The following SUPT5H variants were observed in gnomAD, a reference collection of about 807,000 sequenced individuals.
The protein encoded by SUPT5H is SPT5 homolog, DSIF elongation factor subunit.
In SUPT5H, 24 loss-of-function variants were observed where a neutral mutation model predicts 142.5. The observed-to-expected ratio is 0.17, with a 90% CI of 0.12 to 0.24. SUPT5H has a LOEUF of 0.24. Among genes scored for constraint, SUPT5H ranks in the 10% least tolerant of loss-of-function variants. SUPT5H has a pLI of 1.00. For synonymous variants in SUPT5H, 546 were observed against 553.0 expected (o/e 0.99, Z 0.18); for missense variants, 893 against 1,471.8 (o/e 0.61, Z 6.43).
chr19:39,449,862 A>C (rs2078999172), intron 2 of SUPT5H, among the ~76,000 whole-genome samples: 1 of 151,414 alleles, frequency 6.6e-6, no homozygotes, highest in African/African-American at 2.4e-5. Context: ...GTGGTCTCAG[A>C]ACTCCTGACC....
rs80027112 is a variant in SUPT5H, at chr19:39,476,107, G to A, written c.3051G>A (p.Lys1017=). ...VTGGMCSVYL[K]DSEKVVSISS... ...GGGGCATGTGCTCTGTGTACCTGAA[G>A]GACAGTGAGAAGGTTGTCAGCATTT... Residue 1017 remains lysine (K), a synonymous_variant, in exon 29 of 30, where the codon AAG becomes AAA. Transcript: ENST00000432763. The A allele has an allele frequency of 4.9e-4, 798 of 1,614,134 alleles. 10 individuals are homozygous for A. In the East Asian group the frequency reaches 0.016, roughly 32 times the overall value.
chr19:39,456,513 G>A (rs538706384), intron 3 of SUPT5H, among the ~76,000 whole-genome samples: 2 of 151,652 alleles, frequency 1.3e-5, no homozygotes, highest in East Asian at 3.9e-4. Flanking sequence ...CCACCTCCCG[G>A]GTTCAAGCAA....
Position 39,445,938 on chromosome 19 carries a change from G to A in SUPT5H, c.48G>A (p.Glu16=). ...DSNFSEEEDS[E]RSSDGEEAEV... Reference sequence around the variant, plus strand: ...ACTTTTCCGAGGAGGAGGACAGCGAGCGCAGCAGTGACGGCGAGGAGGCCG... The same window carrying A: ...ACTTTTCCGAGGAGGAGGACAGCGAACGCAGCAGTGACGGCGAGGAGGCCG... Residue 16 remains glutamate, a synonymous_variant, in exon 2 of 30, where the codon GAG becomes GAA. Transcript: ENST00000432763. 5 of 1,613,530 alleles carry A rather than the reference G, an allele frequency of 3.1e-6. No homozygotes were observed. Among genetic ancestry groups the A allele is most frequent in the Non-Finnish European group, 4.2e-6 (5 of 1,180,006 alleles).
In SUPT5H at chr19:39,453,342, C is replaced by T; in HGVS notation, c.76-14C>T. On this transcript the variant is annotated splice_polypyrimidine_tract_variant and intron_variant, in intron 2 of 29. Transcript: ENST00000432763. ...GCAGAATTCTGGTGCTACAACCCTG[C>T]CTGACCCCTGTAGGTAGACGAAGAG... 1 of 1,587,422 alleles carries T rather than the reference C, an allele frequency of 6.3e-7. No individual in the cohort carries two copies.
At position 39,462,843 on chromosome 19, in the gene SUPT5H, T is replaced by TTC. The variant is rs1555744498; in HGVS notation, c.625-1954_625-1953insCT. Among the ~76,000 whole-genome samples, 7 of 126,724 alleles carry TTC rather than the reference T, an allele frequency of 5.5e-5. No individual in the cohort carries two copies. The East Asian group carries it at 1.0e-3, about 19-fold the overall frequency. The allele number at this position is 126,724 out of a possible 152,430, so 83.1% of individuals were successfully genotyped here. ...ACTGTGCCCAGCCTTAATTTTCTTTTTTTTTTTTTTTTTTGAGACAGAGTC... is the reference window on the plus strand; with the variant it reads ...ACTGTGCCCAGCCTTAATTTTCTTTTTCTTTTTTTTTTTTTTGAGACAGAGTC... On this transcript the variant is annotated intron_variant, in intron 10 of 29. Coordinates refer to ENST00000432763, the MANE Select transcript of SUPT5H (RefSeq NM_001111020.3).
intron 2 of SUPT5H, among the ~76,000 whole-genome samples, chr19:39,450,186 A>G (rs1218370391): frequency 6.6e-6 from 1 of 151,694 alleles, no homozygotes; most frequent in African/African-American, 2.4e-5. Flanking sequence ...TGATCCTTCT[A>G]CCTTGGCCTC....
chr19:39,457,591 A>G (rs2079106525), intron 3 of SUPT5H, 84 bp from the exon 4 acceptor site: 1 of 1,564,762 alleles, frequency 6.4e-7, no homozygotes, highest in African/African-American at 1.3e-5. Context: ...TTTGTAGTGC[A>G]CATCTCCCAG....
At chr19:39,452,138 A>G (rs1021742833) in intron 2 of SUPT5H, among the ~76,000 whole-genome samples, 1 of 152,046 alleles carries the variant, frequency 6.6e-6, no homozygotes, top group Non-Finnish European at 1.5e-5. Context: ...GCCTGTCGGT[A>G]ATTGGAGGAG....
At chr19:39,464,144 C>T (rs7255047) in intron 10 of SUPT5H, among the ~76,000 whole-genome samples, 20,461 of 151,790 alleles carry the variant, frequency 0.13, 1,773 homozygotes, top group Middle Eastern at 0.27. Context: ...CCACCACACC[C>T]GGCTAATCTT....
chr19:39,466,577 G>A lies in SUPT5H; in HGVS notation c.966+8G>A, dbSNP rs1252020453. The A allele has an allele frequency of 1.2e-6, 2 of 1,611,842 alleles. No homozygotes were observed. The highest frequency in any genetic ancestry group is 1.7e-5 in the Admixed American group (1 of 59,786). On this transcript the variant is annotated splice_region_variant and intron_variant, in intron 12 of 29. Transcript: ENST00000432763. This position sits in a 1 kb window ranked among gnomAD's most constrained non-coding sequence, Gnocchi z 4.3. Reference sequence around the variant, plus strand: ...AAGGCCCGCATGAGCTTGGTACTCAGGGGAATCTGTGGCCTGGGGGGGAGG... The same window carrying A: ...AAGGCCCGCATGAGCTTGGTACTCAAGGGAATCTGTGGCCTGGGGGGGAGG...
rs575194246 is a variant in SUPT5H at position 39,473,793 on chromosome 19, T to C, written c.2493-170T>C. ...GACCTTGGGAGGGCACCCTCATCTC[T>C]GTCAACCACAGTGTCAGCTGTGGAA... On this transcript the variant is annotated intron_variant, in intron 25 of 29. Transcript: ENST00000432763. This position sits in a 1 kb window ranked among gnomAD's most constrained non-coding sequence, Gnocchi z 5.8. Among the ~76,000 whole-genome samples the C allele has an allele frequency of 6.6e-6, 1 of 152,288 alleles. No individual in the cohort carries two copies. The highest frequency in any genetic ancestry group is 6.5e-5 in the Admixed American group (1 of 15,296).
Position 39,472,343 on chromosome 19 carries a change from T to G in SUPT5H, c.1951-66T>G. ...CCTCAGGGCCCTGCACGTGGGATGA[T>G]GAGTTCCTGTGGTTTGTGGTTCCCC... is the stretch of plus-strand genomic sequence containing the variant. On this transcript the variant is annotated intron_variant, in intron 20 of 29. Transcript: ENST00000432763. The surrounding 1 kb of genome is among the most constrained non-coding windows in gnomAD (Gnocchi z 4.2). The G allele has an allele frequency of 5.5e-5, 82 of 1,502,126 alleles. No homozygotes were observed. The highest frequency in any genetic ancestry group is 6.6e-5 in the Non-Finnish European group (71 of 1,081,594). The allele number at this position is 1,502,126 out of a possible 1,614,324, so 93.0% of individuals were successfully genotyped here. A position where few individuals can be genotyped will look rare whatever the true frequency, so the allele number is the denominator to read the frequency against.
rs906920530 is a variant in SUPT5H at position 39,457,950 on chromosome 19, T to G, written c.307+210T>G. 2.7e-5 allele frequency: 25 copies of G among 933,840 alleles called. No individual in the cohort carries two copies. In the African/African-American group the frequency reaches 3.6e-4, roughly 13 times the overall value. The allele number at this position is 933,840 out of a possible 1,614,324, so 57.8% of individuals were successfully genotyped here. A position where few individuals can be genotyped will look rare whatever the true frequency, so the allele number is the denominator to read the frequency against. On this transcript the variant is annotated intron_variant, in intron 4 of 29. Transcript: ENST00000432763. ...GGGTGGGGCCCTGGGGTGGGGATGTTGTGGGGAGAGGACTCTGGGATCCCA... is the reference window on the plus strand; with the variant it reads ...GGGTGGGGCCCTGGGGTGGGGATGTGGTGGGGAGAGGACTCTGGGATCCCA...
At chr19:39,465,178 C>G in intron 11 of SUPT5H, 129 bp downstream of exon 11, 2 of 1,382,512 alleles carry the variant, frequency 1.4e-6, no homozygotes, top group Non-Finnish European at 9.8e-7. Flanking sequence ...GAAGCAGAGC[C>G]TGGGTTTTGT....
chr19:39,466,889 C>T lies in SUPT5H; in HGVS notation c.1037+144C>T. The T allele has an allele frequency of 1.4e-6, 1 of 717,192 alleles. No homozygotes were observed. Among genetic ancestry groups the T allele is most frequent in the South Asian group, 1.6e-5 (1 of 61,500 alleles). The allele number at this position is 717,192 out of a possible 1,614,324, so 44.4% of individuals were successfully genotyped here. A position where few individuals can be genotyped will look rare whatever the true frequency, so the allele number is the denominator to read the frequency against. The stretch of plus-strand genomic sequence containing the variant: ...CTTGGCAGTATAGCCTCAGGCAAGT[C>T]ACTTCACATCCCTGTGCCTCAGTTT... On this transcript the variant is annotated intron_variant, in intron 13 of 29. Coordinates refer to ENST00000432763, the MANE Select transcript of SUPT5H (RefSeq NM_001111020.3). The surrounding 1 kb of genome is among the most constrained non-coding windows in gnomAD (Gnocchi z 4.3).
chr19:39,466,210 GT>G lies in SUPT5H; in HGVS notation c.877-267del, dbSNP rs1165086446. 1.3e-5 allele frequency among the ~76,000 whole-genome samples: 2 copies of G among 152,162 alleles called. No homozygotes were observed. The highest frequency in any genetic ancestry group is 6.6e-5 in the Admixed American group (1 of 15,266). On this transcript the variant is annotated intron_variant, in intron 11 of 29. Transcript: ENST00000432763. The surrounding 1 kb of genome is among the most constrained non-coding windows in gnomAD (Gnocchi z 4.3). ...GGAAGAATGGAGTGGGAGGCGGCAG[GT>G]TTGGGGGAATCAGCGGTTTGGCTGC...
Position 39,458,376 on chromosome 19 carries a change from C to T in SUPT5H, c.319+71C>T. ...TGACATTTCCTCCTTCCTGAGGCACCTGCCCTCACCGGTAGCCTCCCCACC... is the reference window on the plus strand; with the variant it reads ...TGACATTTCCTCCTTCCTGAGGCACTTGCCCTCACCGGTAGCCTCCCCACC... On this transcript the variant is annotated intron_variant, in intron 5 of 29. Transcript: ENST00000432763. This position sits in a 1 kb window ranked among gnomAD's most constrained non-coding sequence, Gnocchi z 4.2. The T allele has an allele frequency of 6.2e-7, 1 of 1,603,204 alleles. No individual in the cohort carries two copies. The highest frequency in any genetic ancestry group is 8.5e-7 in the Non-Finnish European group (1 of 1,174,542).
In SUPT5H at chr19:39,473,850, G is replaced by A. The variant is rs949155918; in HGVS notation, c.2493-113G>A. On this transcript the variant is annotated intron_variant, in intron 25 of 29. Transcript: ENST00000432763. The surrounding 1 kb of genome is among the most constrained non-coding windows in gnomAD (Gnocchi z 5.8). ...TAACATCAGGAGTGCCTCTGGATGG[G>A]GCTCCCGTGAGAATGAAATTGCTTC... is the stretch of plus-strand genomic sequence containing the variant. 4.2e-6 allele frequency: 6 copies of A among 1,424,800 alleles called. No individual in the cohort carries two copies. In the African/African-American group the frequency reaches 7.0e-5, roughly 17 times the overall value. The allele number at this position is 1,424,800 out of a possible 1,614,324, so 88.3% of individuals were successfully genotyped here. A position where few individuals can be genotyped will look rare whatever the true frequency, so the allele number is the denominator to read the frequency against.
intron 7 of SUPT5H, 49 bp from the exon 8 acceptor site, chr19:39,459,135 G>C (rs754005575): frequency 1.9e-6 from 3 of 1,612,750 alleles, no homozygotes; most frequent in Admixed American, 1.7e-5. Flanking sequence ...GGGAAGGGGC[G>C]GGGATCTGAC....
Sources: gnomAD v4.1 joint callset for allele counts (sites outside exome capture counted in the v4.1 genomes callset) on GRCh38, gnomAD v4.1.1 for gene constraint, Gnocchi (gnomAD v3.1) non-coding constraint, MANE v1.5 for transcripts, NCBI Gene and HGNC (gene_info 2026-07-23, HGNC 2026-07-21) for gene names.